ADAMTS9: variants seen among roughly 807,000 people sequenced by gnomAD.
ADAMTS9 encodes the protein ADAM metallopeptidase with thrombospondin type 1 motif 9, also known as A disintegrin and metalloproteinase with thrombospondin motifs 9.
A neutral mutation model predicts 257.1 loss-of-function variants in ADAMTS9; 107 were observed. The observed-to-expected ratio is 0.42, with a 90% CI of 0.36 to 0.49. The LOEUF is 0.49. Ranked by LOEUF, ADAMTS9 falls within the 20% of genes least tolerant of loss-of-function variation. The probability of loss-of-function intolerance (pLI) is 0.03; values close to 1 mark genes in which losing one functional copy is unlikely to be tolerated. For synonymous variants in ADAMTS9, 982 were observed against 880.9 expected (o/e 1.11, Z -2.03); for missense variants, 2,353 against 2,469.1 (o/e 0.95, Z 1.00).
intron 28 of ADAMTS9, among the ~76,000 whole-genome samples, chr3:64,581,286 T>C (rs2083992555): frequency 1.3e-5 from 2 of 152,318 alleles, no homozygotes; most frequent in East Asian, 1.9e-4. Flanking sequence ...GAGAAGGTCA[T>C]TCATTCAGAG....
chr3:64,549,287 C>A (rs1408930994), intron 31 of ADAMTS9, among the ~76,000 whole-genome samples: 1 of 152,140 alleles, frequency 6.6e-6, no homozygotes, highest in East Asian at 1.9e-4. Context: ...CTCCCTGTTT[C>A]ATCTTTTGGG....
intron 25 of ADAMTS9, among the ~76,000 whole-genome samples, chr3:64,603,004 T>A (rs1306106880): frequency 1.3e-5 from 2 of 152,220 alleles, no homozygotes; most frequent in Non-Finnish European, 2.9e-5. Context: ...GATGGATGAA[T>A]GGATGCATGG....
chr3:64,536,365 G>A (rs936921019), intron 37 of ADAMTS9, among the ~76,000 whole-genome samples: 2 of 152,176 alleles, frequency 1.3e-5, no homozygotes, highest in Non-Finnish European at 2.9e-5. Context: ...AAGGTCTAAA[G>A]GGCACATGAG....
intron 26 of ADAMTS9, among the ~76,000 whole-genome samples, chr3:64,599,967 C>T (rs908531076): frequency 1.3e-5 from 2 of 151,888 alleles, no homozygotes; most frequent in African/African-American, 4.8e-5. Flanking sequence ...GAGACAGAGC[C>T]CTGAAGATGC....
chr3:64,637,079 G>A (rs539765098), intron 12 of ADAMTS9, among the ~76,000 whole-genome samples: 2 of 152,252 alleles, frequency 1.3e-5, no homozygotes, highest in East Asian at 3.9e-4. Context: ...TTTATGTAAA[G>A]GCAGGTTACA....
intron 26 of ADAMTS9, 98 bp downstream of exon 26, chr3:64,601,846 T>C: frequency 4.9e-6 from 7 of 1,424,132 alleles, no homozygotes; most frequent in Non-Finnish European, 6.6e-6. Context: ...CAATCCCTTG[T>C]AAAGAAAAAA....
intron 32 of ADAMTS9, among the ~76,000 whole-genome samples, chr3:64,544,082 G>A (rs2083164623): frequency 6.6e-6 from 1 of 152,158 alleles, no homozygotes. Flanking sequence ...TCTTCAAGGA[G>A]AACTACAAAC....
At chr3:64,604,905 G>C (rs1005582158) in intron 23 of ADAMTS9, among the ~76,000 whole-genome samples, 3 of 152,182 alleles carry the variant, frequency 2.0e-5, no homozygotes, top group Non-Finnish European at 4.4e-5. Context: ...GGTCATCTGC[G>C]TACAGGTAAT....
intron 16 of ADAMTS9, among the ~76,000 whole-genome samples, chr3:64,630,134 G>A (rs866699424): frequency 4.6e-5 from 4 of 87,070 alleles, no homozygotes; most frequent in Non-Finnish European, 6.6e-5. Context: ...TAAGCCATGC[G>A]GCTGGGAAGA....
chr3:64,666,549 T>C (rs1265386164), intron 3 of ADAMTS9, among the ~76,000 whole-genome samples: 1 of 152,182 alleles, frequency 6.6e-6, no homozygotes, highest in Non-Finnish European at 1.5e-5. Flanking sequence ...AGGCCAACCC[T>C]GGTTTCCATT....
intron 37 of ADAMTS9, among the ~76,000 whole-genome samples, chr3:64,537,667 G>C (rs4688480): frequency 0.048 from 7,162 of 148,848 alleles, 749 homozygotes; most frequent in Admixed American, 0.26. Context: ...TATGGAGACA[G>C]GGCTTGGGAT....
Position 64,671,711 on chromosome 3 carries a change from G to A in ADAMTS9, c.679+9490C>T, listed in dbSNP as rs182858044. Among the ~76,000 whole-genome samples the A allele has an allele frequency of 8.9e-4, 136 of 152,240 alleles. 1 individual carries two copies. Among genetic ancestry groups the A allele is most frequent in the South Asian group, 6.2e-3 (30 of 4,828 alleles). On this transcript the variant is annotated intron_variant, in intron 3 of 39. Coordinates refer to ENST00000498707, the MANE Select transcript of ADAMTS9 (RefSeq NM_182920.2). ...GCTCCTTCTCAAAGCCCACTACTCA[G>A]TCACATGTGCATACCACATCAGATC...
intron 32 of ADAMTS9, among the ~76,000 whole-genome samples, chr3:64,545,514 A>C (rs2083185400): frequency 6.6e-6 from 1 of 152,164 alleles, no homozygotes; most frequent in African/African-American, 2.4e-5. Context: ...AAGGACAGAA[A>C]ACCAAACACT....
In ADAMTS9 at chr3:64,622,422, G is replaced by A; in HGVS notation, c.2554C>T (p.Gln852Ter). The change falls in exon 17 of 40, where the codon CAG becomes TAG. Residue 852 changes from glutamine to a stop codon, truncating the protein, a stop_gained and splice_region_variant. Transcript: ENST00000498707. LOFTEE classifies it high-confidence loss of function. ...TGGGCTCATGGTCAAGTTTTTACCT[G>A]AAGCAAAAGTTCTTGCTCAATGCGA... is the stretch of plus-strand genomic sequence containing the variant. Reference protein sequence around the residue: ...TDRIEQELLLQVLSVGKLYNP... With the variant: ...TDRIEQELLL 1 of 1,613,854 alleles carries A rather than the reference G, an allele frequency of 6.2e-7. No individual in the cohort carries two copies. Among genetic ancestry groups the A allele is most frequent in the African/African-American group, 1.3e-5 (1 of 74,978 alleles).
At chr3:64,608,845 A>C (rs2084613868) in intron 22 of ADAMTS9, among the ~76,000 whole-genome samples, 1 of 151,988 alleles carries the variant, frequency 6.6e-6, no homozygotes, top group Non-Finnish European at 1.5e-5. Context: ...CACCAGATTA[A>C]TATTGCTTAT....
Position 64,618,167 on chromosome 3 carries a change from A to G in ADAMTS9, c.2814-1997T>C, listed in dbSNP as rs191422787. Among the ~76,000 whole-genome samples the G allele has an allele frequency of 1.7e-3, 252 of 152,314 alleles. 3 individuals are homozygous for G. Among genetic ancestry groups the G allele is most frequent in the South Asian group, 3.7e-3 (18 of 4,826 alleles). ...ATGCACCTGTCTAATGAGGCCTTGG[A>G]AACTAATCCTAAACTCCTGGTTTTT... On this transcript the variant is annotated intron_variant, in intron 19 of 39. Transcript: ENST00000498707.
At chr3:64,573,108 G>T (rs201894695) in intron 28 of ADAMTS9, among the ~76,000 whole-genome samples, 2 of 145,988 alleles carry the variant, frequency 1.4e-5, no homozygotes, top group Admixed American at 1.4e-4. Context: ...AATGGAAAAA[G>T]AAAAAAAGAA....
At chr3:64,628,374 C>T (rs1023240828) in intron 16 of ADAMTS9, among the ~76,000 whole-genome samples, 1 of 152,104 alleles carries the variant, frequency 6.6e-6, no homozygotes, top group African/African-American at 2.4e-5. Context: ...GCAGAGAATC[C>T]TTCTCTCTTT....
intron 20 of ADAMTS9, 121 bp from the exon 21 acceptor site, chr3:64,615,606 G>C (rs1005326821): frequency 9.5e-7 from 1 of 1,049,508 alleles, no homozygotes; most frequent in Non-Finnish European, 1.3e-6. Flanking sequence ...GCCAACTCTA[G>C]TTATTTTGGT....
Sources: allele counts gnomAD v4.1 joint callset (sites outside exome capture counted in the v4.1 genomes callset), GRCh38; gene constraint gnomAD v4.1.1; transcripts MANE v1.5; gene names NCBI Gene and HGNC (gene_info 2026-07-23, HGNC 2026-07-21).